CACNA1C: variants seen among roughly 807,000 people sequenced by gnomAD.
CACNA1C encodes calcium voltage-gated channel subunit alpha1 C.
CACNA1C carries 30 observed loss-of-function variants against 229.0 expected under a neutral mutation model. That is an observed-to-expected ratio of 0.13 (90% CI 0.10 to 0.18). The LOEUF (loss-of-function observed/expected upper bound fraction) is 0.18. CACNA1C is among the 10% of genes least tolerant of loss of function. The pLI is 1.00. For missense variants in CACNA1C, 1,658 were observed against 2,845.0 expected, an observed-to-expected ratio of 0.58 and a Z score of 9.49; for synonymous variants, 1,114 against 1,132.5, an observed-to-expected ratio of 0.98 and a Z score of 0.33.
At chr12:2,119,944 G>A (rs1212775534) in intron 2 of CACNA1C, among the ~76,000 whole-genome samples, 1 of 152,262 alleles carries the variant, frequency 6.6e-6, no homozygotes, top group African/African-American at 2.4e-5. Flanking sequence ...GGGCCCACAG[G>A]CCGTTCGGCA....
Position 2,357,653 on chromosome 12 carries a change from T to G in CACNA1C, c.478-91323T>G, listed in dbSNP as rs189128039. 6.7e-3 allele frequency among the ~76,000 whole-genome samples: 915 copies of G among 137,402 alleles called. 11 individuals are homozygous for G. Among genetic ancestry groups the G allele is most frequent in the African/African-American group, 0.025 (866 of 34,112 alleles). The allele number at this position is 137,402 out of a possible 152,430, so 90.1% of individuals were successfully genotyped here. A position where few individuals can be genotyped will look rare whatever the true frequency, so the allele number is the denominator to read the frequency against. On this transcript the variant is annotated intron_variant, in intron 3 of 46. Transcript: ENST00000399655. ...TCTGCTTGTTTTTTATTTGTTTGGG[T>G]TTTTTTTCCTTAAAAAAAAAAAAAA...
intron 29 of CACNA1C, among the ~76,000 whole-genome samples, chr12:2,622,758 A>G (rs2083998885): frequency 6.6e-6 from 1 of 152,056 alleles, no homozygotes; most frequent in South Asian, 2.1e-4. Flanking sequence ...TTTCCTTCAC[A>G]ATCTTTCCTC....
chr12:2,399,567 G>C (rs1032501023), intron 3 of CACNA1C, among the ~76,000 whole-genome samples: 4 of 152,184 alleles, frequency 2.6e-5, no homozygotes, highest in African/African-American at 4.8e-5. Flanking sequence ...CTGATGTCCA[G>C]CTGCCTCTTC....
chr12:2,653,996 C>A lies in CACNA1C; in HGVS notation c.4140+96C>A. On this transcript the variant is annotated intron_variant, in intron 33 of 46. Transcript: ENST00000399655. The surrounding 1 kb of genome is among the most constrained non-coding windows in gnomAD (Gnocchi z 4.7). ...CCTAACGCCTTCCTCCCTCCCTTCTCCCTTTCATTCCTGACTGTCCCTCTC... is the reference window on the plus strand; with the variant it reads ...CCTAACGCCTTCCTCCCTCCCTTCTACCTTTCATTCCTGACTGTCCCTCTC... 4 of 958,584 alleles carry A rather than the reference C, an allele frequency of 4.2e-6. 1 individual carries two copies. 59.4% of individuals were successfully genotyped at this position (958,584 alleles called of 1,614,324 possible).
At chr12:2,147,537 GATA>G (rs1438983442) in intron 3 of CACNA1C, among the ~76,000 whole-genome samples, 1 of 151,222 alleles carries the variant, frequency 6.6e-6, no homozygotes, top group East Asian at 1.9e-4. Context: ...ACAAATGTTA[GATA>G]ATTTCCATTA....
rs1434666681 is a variant in CACNA1C, at chr12:2,263,009, A to G, written c.477+142579A>G. On this transcript the variant is annotated intron_variant, in intron 3 of 46. Coordinates refer to ENST00000399655, the MANE Select transcript of CACNA1C (RefSeq NM_000719.7). The stretch of plus-strand genomic sequence containing the variant: ...AAAGGAAAAAATATAAATACGATAC[A>G]TAATATTAGACACAGTGGAGGGATG... 3.3e-5 allele frequency among the ~76,000 whole-genome samples: 5 copies of G among 152,216 alleles called. 1 individual carries two copies. The South Asian group carries it at 8.3e-4, about 25-fold the overall frequency.
At chr12:2,664,728 G>A in intron 34 of CACNA1C, 97 bp from the exon 35 acceptor site, 5 of 984,828 alleles carry the variant, frequency 5.1e-6, no homozygotes, top group Non-Finnish European at 7.1e-6. Context: ...AACTCCCTCT[G>A]GGGAAGGAGG....
intron 1 of CACNA1C, among the ~76,000 whole-genome samples, chr12:2,091,098 G>C (rs2070663358): frequency 6.6e-6 from 1 of 152,178 alleles, no homozygotes; most frequent in African/African-American, 2.4e-5. Context: ...CATATCCTCA[G>C]ATATCGGGAC....
intron 1 of CACNA1C, among the ~76,000 whole-genome samples, chr12:2,001,082 T>C (rs1458902557): frequency 6.6e-6 from 1 of 151,822 alleles, no homozygotes; most frequent in Non-Finnish European, 1.5e-5. Flanking sequence ...ACTACTCAGA[T>C]CTTTTGATGA....
At chr12:2,391,409 T>C (rs1277181112) in intron 3 of CACNA1C, among the ~76,000 whole-genome samples, 1 of 152,106 alleles carries the variant, frequency 6.6e-6, no homozygotes, top group Non-Finnish European at 1.5e-5. Flanking sequence ...CCAGGGTTGA[T>C]TTTTGGGCAA....
rs79204708 is a variant in CACNA1C at position 2,594,379 on chromosome 12, T to G, written c.2663+1034T>G. Among the ~76,000 whole-genome samples the G allele has an allele frequency of 6.5e-3, 992 of 152,362 alleles. 47 individuals are homozygous for G. The East Asian group carries it at 0.15, about 22-fold the overall frequency. ...CCTGTTTCTTAGAGGGTCTTACATA[T>G]CTTTCATCTCCTTGTCTTTCTGTAT... On this transcript the variant is annotated intron_variant, in intron 19 of 46. Transcript: ENST00000399655.
At chr12:1,999,197 C>T (rs752938489) in intron 1 of CACNA1C, among the ~76,000 whole-genome samples, 2 of 152,140 alleles carry the variant, frequency 1.3e-5, no homozygotes, top group Non-Finnish European at 2.9e-5. Context: ...TTAAACTGTC[C>T]AGGTGATTCT....
intron 1 of CACNA1C, among the ~76,000 whole-genome samples, chr12:2,096,756 G>A (rs921594580): frequency 5.3e-5 from 8 of 152,028 alleles, no homozygotes; most frequent in African/African-American, 1.9e-4. Context: ...TTCCTCCCCA[G>A]CCCTGGCAAA....
chr12:2,254,564 C>T (rs2076683536), intron 3 of CACNA1C, among the ~76,000 whole-genome samples: 1 of 152,182 alleles, frequency 6.6e-6, no homozygotes, highest in Non-Finnish European at 1.5e-5. Flanking sequence ...GATGTCAGCT[C>T]CGCACCCTCT....
At chr12:2,458,999 T>G (rs2099470730) in intron 5 of CACNA1C, among the ~76,000 whole-genome samples, 1 of 145,630 alleles carries the variant, frequency 6.9e-6, no homozygotes, top group Admixed American at 6.8e-5. Flanking sequence ...TTTTTTTTTT[T>G]TTGAGACAGA....
intron 1 of CACNA1C, among the ~76,000 whole-genome samples, chr12:1,999,526 G>A (rs2041698922): frequency 6.6e-6 from 1 of 152,170 alleles, no homozygotes; most frequent in Admixed American, 6.5e-5. Context: ...TTTGAGACCA[G>A]CCTGGGCAAC....
At chr12:2,242,282 G>A (rs766164956) in intron 3 of CACNA1C, among the ~76,000 whole-genome samples, 6 of 152,132 alleles carry the variant, frequency 3.9e-5, no homozygotes, top group Admixed American at 6.6e-5. Context: ...TCACTTTCCC[G>A]CAGAAACATA....
chr12:2,167,182 A>G (rs1409231615), intron 3 of CACNA1C, among the ~76,000 whole-genome samples: 1 of 152,248 alleles, frequency 6.6e-6, no homozygotes, highest in Non-Finnish European at 1.5e-5. Flanking sequence ...CTAGACAATT[A>G]TATAACAAGT....
At chr12:2,540,071 G>C (rs1321213307) in intron 9 of CACNA1C, among the ~76,000 whole-genome samples, 1 of 152,294 alleles carries the variant, frequency 6.6e-6, no homozygotes, top group Non-Finnish European at 1.5e-5. Context: ...CACCAACCCT[G>C]TGTGCTGCAG....
Sources: allele counts gnomAD v4.1 joint callset (sites outside exome capture counted in the v4.1 genomes callset), GRCh38; gene constraint gnomAD v4.1.1; non-coding constraint Gnocchi (gnomAD v3.1); transcripts MANE v1.5; gene names NCBI Gene and HGNC (gene_info 2026-07-23, HGNC 2026-07-21).